The following SLC24A2 variants were observed in gnomAD, a reference collection of about 807,000 sequenced individuals.
The protein encoded by SLC24A2 is solute carrier family 24 member 2.
In SLC24A2, 36 loss-of-function variants were observed where a neutral mutation model predicts 62.0. The observed-to-expected ratio is 0.58, with a 90% CI of 0.44 to 0.77. The LOEUF (loss-of-function observed/expected upper bound fraction) is 0.77, where lower values mean the gene tolerates loss of function less well. SLC24A2 is among the 30% of genes least tolerant of loss of function. The probability of loss-of-function intolerance (pLI) is 0.00; values close to 1 mark genes in which losing one functional copy is unlikely to be tolerated. For synonymous variants in SLC24A2, 358 were observed against 294.0 expected, an observed-to-expected ratio of 1.22 and a Z score of -2.23; for missense variants, 846 against 817.9, an observed-to-expected ratio of 1.03 and a Z score of -0.42.
intron 8 of SLC24A2, among the ~76,000 whole-genome samples, chr9:19,546,258 G>C (rs1464657986): frequency 6.6e-6 from 1 of 152,218 alleles, no homozygotes; most frequent in Non-Finnish European, 1.5e-5. Flanking sequence ...CCAGTAGGCA[G>C]GGACGTTTAA....
the SLC24A2 span, among the ~76,000 whole-genome samples, chr9:19,946,777 A>G: frequency 1.2e-4 from 19 of 152,388 alleles, no homozygotes; most frequent in African/African-American, 4.1e-4. Flanking sequence ...CAACACACAC[A>G]CAAAACACAA....
the SLC24A2 span, among the ~76,000 whole-genome samples, chr9:19,910,168 C>T: frequency 6.6e-6 from 1 of 152,098 alleles, no homozygotes; most frequent in Non-Finnish European, 1.5e-5. Context: ...GTAATCCATG[C>T]TGCCTGATCT....
the SLC24A2 span, among the ~76,000 whole-genome samples, chr9:19,829,808 TATACAC>T: frequency 0.11 from 2,885 of 26,612 alleles, 50 homozygotes; most frequent in Middle Eastern, 0.26. Flanking sequence ...TATATATATA[TATACAC>T]ACACACACAC....
chr9:19,905,934 C>A, the SLC24A2 span, among the ~76,000 whole-genome samples: 2 of 152,244 alleles, frequency 1.3e-5, no homozygotes, highest in Admixed American at 1.3e-4. Flanking sequence ...AGAAAGTTAA[C>A]AACGATATCC....
At chr9:20,263,756 A>G in the SLC24A2 span, among the ~76,000 whole-genome samples, 1 of 150,908 alleles carries the variant, frequency 6.6e-6, no homozygotes, top group Non-Finnish European at 1.5e-5. Context: ...AAGACTTGCA[A>G]TGTTCCTTGG....
intron 2 of SLC24A2, among the ~76,000 whole-genome samples, chr9:19,732,640 G>A (rs528479089): frequency 1.4e-4 from 22 of 152,132 alleles, no homozygotes; most frequent in African/African-American, 4.8e-4. Flanking sequence ...TCCTAACGTC[G>A]CAATCTGAGA....
chr9:19,830,223 C>A, the SLC24A2 span, among the ~76,000 whole-genome samples: 1 of 152,176 alleles, frequency 6.6e-6, no homozygotes, highest in Non-Finnish European at 1.5e-5. Context: ...AAAGAAATTG[C>A]TAGACACTTT....
chr9:19,939,034 T>C, the SLC24A2 span, among the ~76,000 whole-genome samples: 1 of 152,254 alleles, frequency 6.6e-6, no homozygotes, highest in Non-Finnish European at 1.5e-5. Context: ...CCACTAACTT[T>C]ATTTTCATGT....
Position 19,509,266 on chromosome 9 carries a change from G to A in SLC24A2, c.*6887C>T, listed in dbSNP as rs1049795074. ...AACTGTAATAAGCTATTTTGAAAAC[G>A]AAGACTGCTTTTGTGAAATGAATAA... On this transcript the variant is annotated 3_prime_UTR_variant, in exon 11 of 11. Transcript: ENST00000341998. The A allele has an allele frequency of 2.6e-5, 4 of 152,030 alleles. No homozygotes were observed. The highest frequency in any genetic ancestry group is 4.4e-5 in the Non-Finnish European group (3 of 67,992). The allele number at this position is 152,030 out of a possible 1,614,324, so 9.4% of individuals were successfully genotyped here.
the SLC24A2 span, among the ~76,000 whole-genome samples, chr9:20,154,130 A>T: frequency 1.3e-5 from 2 of 151,910 alleles, no homozygotes; most frequent in Non-Finnish European, 2.9e-5. Context: ...GATGTATATG[A>T]TTACTCTATA....
chr9:20,233,290 T>G, the SLC24A2 span, among the ~76,000 whole-genome samples: 1 of 152,154 alleles, frequency 6.6e-6, no homozygotes, highest in East Asian at 1.9e-4. Context: ...TTGTTAACTT[T>G]CTGTCTCGTT....
the SLC24A2 span, among the ~76,000 whole-genome samples, chr9:20,162,648 G>C: frequency 6.6e-6 from 1 of 152,042 alleles, no homozygotes; most frequent in Non-Finnish European, 1.5e-5. Context: ...GCATCATCCT[G>C]ATACCAAAGC....
the SLC24A2 span, among the ~76,000 whole-genome samples, chr9:20,057,789 G>A: frequency 2.0e-5 from 3 of 152,036 alleles, no homozygotes; most frequent in African/African-American, 7.2e-5. Context: ...ACTTAAAACT[G>A]TGTGAGGTAG....
At chr9:19,548,218 G>A (rs1243646979) in intron 8 of SLC24A2, among the ~76,000 whole-genome samples, 2 of 147,602 alleles carry the variant, frequency 1.4e-5, no homozygotes, top group Admixed American at 1.3e-4. Context: ...GATAAATTAT[G>A]CTGGAAGTTA....
At chr9:20,046,826 C>A in the SLC24A2 span, among the ~76,000 whole-genome samples, 16 of 152,254 alleles carry the variant, frequency 1.1e-4, no homozygotes, top group South Asian at 3.1e-3. Context: ...ATTTTTTAAG[C>A]AAAGTTTTTC....
chr9:19,569,794 C>T (rs948033917), intron 7 of SLC24A2, among the ~76,000 whole-genome samples: 13 of 152,168 alleles, frequency 8.5e-5, no homozygotes, highest in African/African-American at 2.9e-4. Flanking sequence ...TTCATTGCTA[C>T]CATGCTTCCT....
the SLC24A2 span, among the ~76,000 whole-genome samples, chr9:20,232,121 G>T: frequency 2.0e-5 from 3 of 152,202 alleles, no homozygotes; most frequent in Non-Finnish European, 4.4e-5. Flanking sequence ...TTGATGTGCT[G>T]CTGGATTTGG....
chr9:20,114,230 G>A, the SLC24A2 span, among the ~76,000 whole-genome samples: 1 of 152,038 alleles, frequency 6.6e-6, no homozygotes, highest in East Asian at 1.9e-4. Flanking sequence ...TGAGGTCAAG[G>A]AAAGAACCAC....
At chr9:19,613,441 G>C (rs556685219) in intron 4 of SLC24A2, among the ~76,000 whole-genome samples, 1 of 152,170 alleles carries the variant, frequency 6.6e-6, no homozygotes, top group Admixed American at 6.5e-5. Flanking sequence ...ACAGGATGAG[G>C]AGGACATGAA....
Sources: allele counts gnomAD v4.1 joint callset (sites outside exome capture counted in the v4.1 genomes callset), GRCh38; gene constraint gnomAD v4.1.1; transcripts MANE v1.5; gene names NCBI Gene and HGNC (gene_info 2026-07-23, HGNC 2026-07-21).